CDH13: variants seen among roughly 807,000 people sequenced by gnomAD.
The protein encoded by CDH13 is cadherin 13.
Under a neutral mutation model 63.8 loss-of-function variants are expected in CDH13, and 24 were observed. The ratio of observed to expected loss-of-function variants is 0.38; its 90% CI spans 0.27 to 0.53. CDH13 has a LOEUF of 0.53. Among genes scored for constraint, CDH13 ranks in the 20% least tolerant of loss-of-function variants. The pLI, the probability that CDH13 is intolerant of heterozygous loss-of-function variation, is 0.85. For synonymous variants in CDH13, 503 were observed against 355.3 expected (o/e 1.42, Z -4.67); for missense variants, 1,049 against 903.1 (o/e 1.16, Z -2.07).
At chr16:83,701,513 C>T (rs11865793) in intron 10 of CDH13, among the ~76,000 whole-genome samples, 65,907 of 151,656 alleles carry the variant, frequency 0.43, 14,561 homozygotes, top group Middle Eastern at 0.58. Flanking sequence ...ATGCTTTCGC[C>T]GTGTGGGAGA....
chr16:83,646,712 AACACACACACAC>A (rs71382879), intron 8 of CDH13, among the ~76,000 whole-genome samples: 1 of 80,490 alleles, frequency 1.2e-5, no homozygotes, highest in Non-Finnish European at 2.4e-5. Context: ...AAAAAAAAAA[AACACACACACAC>A]ACACACACAC....
rs555451772 is a variant in CDH13, at chr16:83,420,377, T to G, written c.782-66100T>G. Reference sequence around the variant, plus strand: ...TCAAGCAGCGTTCAGACACAGAGATTAATGCTGGTCAAAGGAAAAATTGTT... The same window carrying G: ...TCAAGCAGCGTTCAGACACAGAGATGAATGCTGGTCAAAGGAAAAATTGTT... On this transcript the variant is annotated intron_variant, in intron 6 of 13. Transcript: ENST00000567109. Among the ~76,000 whole-genome samples the G allele has an allele frequency of 6.6e-5, 10 of 152,290 alleles. No individual in the cohort carries two copies. In the South Asian group the frequency reaches 1.7e-3, roughly 25 times the overall value.
chr16:83,275,390 C>T (rs1014300943), intron 5 of CDH13, among the ~76,000 whole-genome samples: 1 of 152,140 alleles, frequency 6.6e-6, no homozygotes, highest in Non-Finnish European at 1.5e-5. Flanking sequence ...CTGCTAATTT[C>T]CTGTCTGATC....
chr16:83,274,673 T>C (rs953178144), intron 5 of CDH13, among the ~76,000 whole-genome samples: 2 of 152,144 alleles, frequency 1.3e-5, no homozygotes, highest in Non-Finnish European at 2.9e-5. Context: ...TTTTATAAAT[T>C]CATTTAAAGG....
At chr16:83,080,880 T>TTTGTTTTG (rs1328822298) in intron 3 of CDH13, among the ~76,000 whole-genome samples, 4 of 112,548 alleles carry the variant, frequency 3.6e-5, no homozygotes, top group Non-Finnish European at 7.1e-5. Context: ...TGTTTTTTTT[T>TTTGTTTTG]TTTTTTTTTT....
chr16:83,744,082 A>G (rs1004596988), intron 10 of CDH13, among the ~76,000 whole-genome samples: 6 of 152,210 alleles, frequency 3.9e-5, no homozygotes, highest in Non-Finnish European at 1.5e-5. Context: ...ATGAGTCACA[A>G]AAATAAATGT....
intron 1 of CDH13, among the ~76,000 whole-genome samples, chr16:82,832,213 A>C (rs1157907905): frequency 6.8e-6 from 1 of 146,740 alleles, no homozygotes; most frequent in African/African-American, 2.5e-5. Context: ...AGTGCTTGCA[A>C]GTGGCCTAGT....
chr16:83,337,218 G>A (rs1489567552), intron 5 of CDH13, among the ~76,000 whole-genome samples: 1 of 152,134 alleles, frequency 6.6e-6, no homozygotes, highest in Non-Finnish European at 1.5e-5. Context: ...ATTTCTACTG[G>A]ATACCTGCTC....
intron 8 of CDH13, among the ~76,000 whole-genome samples, chr16:83,643,996 G>T (rs1968263): frequency 1.6e-4 from 25 of 152,170 alleles, no homozygotes; most frequent in African/African-American, 6.0e-4. Flanking sequence ...CTTATCTTCA[G>T]ATCTTTAACA....
intron 7 of CDH13, among the ~76,000 whole-genome samples, chr16:83,593,014 T>G (rs1384499093): frequency 3.9e-5 from 6 of 152,290 alleles, no homozygotes; most frequent in Non-Finnish European, 7.4e-5. Flanking sequence ...CCCAGTGTTA[T>G]GTGGCCAGAG....
At chr16:82,694,302 G>A (rs2029988242) in intron 1 of CDH13, among the ~76,000 whole-genome samples, 1 of 152,152 alleles carries the variant, frequency 6.6e-6, no homozygotes, top group African/African-American at 2.4e-5. Flanking sequence ...AGTTATTTGA[G>A]CTACTTTTGA....
At chr16:83,165,083 G>GA (rs397774378) in intron 4 of CDH13, among the ~76,000 whole-genome samples, 62,139 of 127,062 alleles carry the variant, frequency 0.49, 15,694 homozygotes, top group African/African-American at 0.71. Context: ...AGAAGCAGGA[G>GA]AAAAAAAAAA....
At chr16:82,951,204 T>C (rs955712260) in intron 2 of CDH13, among the ~76,000 whole-genome samples, 2 of 152,086 alleles carry the variant, frequency 1.3e-5, no homozygotes, top group African/African-American at 4.8e-5. Context: ...AGTGGAATCA[T>C]TGTGAGACTG....
chr16:83,414,018 T>C (rs2092165206), intron 6 of CDH13, among the ~76,000 whole-genome samples: 1 of 152,126 alleles, frequency 6.6e-6, no homozygotes, highest in Admixed American at 6.6e-5. Flanking sequence ...TACTCTTCTC[T>C]CTTGTTGTCC....
chr16:82,960,819 T>TA (rs968174184), intron 2 of CDH13, among the ~76,000 whole-genome samples: 3 of 152,082 alleles, frequency 2.0e-5, no homozygotes, highest in South Asian at 2.1e-4. Context: ...TTTTAATCTT[T>TA]AAAAAAAATT....
intron 5 of CDH13, among the ~76,000 whole-genome samples, chr16:83,264,047 A>C (rs1028105419): frequency 6.6e-6 from 1 of 152,114 alleles, no homozygotes; most frequent in Non-Finnish European, 1.5e-5. Flanking sequence ...TCCAATTTCC[A>C]TTTTTTATTA....
At chr16:83,679,187 A>G (rs1281190683) in intron 10 of CDH13, among the ~76,000 whole-genome samples, 1 of 152,226 alleles carries the variant, frequency 6.6e-6, no homozygotes, top group East Asian at 1.9e-4. Flanking sequence ...AATGAGATTT[A>G]ATTAAATGGT....
At chr16:83,354,986 T>C (rs1470363490) in intron 6 of CDH13, among the ~76,000 whole-genome samples, 2 of 152,384 alleles carry the variant, frequency 1.3e-5, no homozygotes, top group East Asian at 3.9e-4. Context: ...ATGTAATACC[T>C]GATCCTCTGC....
In CDH13 at chr16:83,558,616, T is replaced by C. The variant is rs145499305; in HGVS notation, c.961-43838T>C. ...CATCTGCATCTACATGTAACATTTA[T>C]GAATGCAAGTGGAACTTTTTTTCCC... On this transcript the variant is annotated intron_variant, in intron 7 of 13. Coordinates refer to ENST00000567109, the MANE Select transcript of CDH13 (RefSeq NM_001257.5). 7.3e-3 allele frequency among the ~76,000 whole-genome samples: 1,115 copies of C among 151,900 alleles called. 12 individuals are homozygous for C. The highest frequency in any genetic ancestry group is 0.025 in the African/African-American group (1,032 of 41,246).
Sources: allele counts gnomAD v4.1 joint callset (sites outside exome capture counted in the v4.1 genomes callset), GRCh38; gene constraint gnomAD v4.1.1; transcripts MANE v1.5; gene names NCBI Gene and HGNC (gene_info 2026-07-23, HGNC 2026-07-21).